The following XXYLT1 variants were observed in gnomAD, a reference collection of about 807,000 sequenced individuals.
XXYLT1 encodes the protein xyloside xylosyltransferase 1.
A neutral mutation model predicts 28.9 loss-of-function variants in XXYLT1; 20 were observed. That is an observed-to-expected ratio of 0.69 (90% confidence interval 0.49 to 1.00). XXYLT1 has a LOEUF of 1.00. Among genes scored for constraint, XXYLT1 ranks in the 50% least tolerant of loss-of-function variants. The pLI, the probability that XXYLT1 is intolerant of heterozygous loss-of-function variation, is 0.00. For synonymous variants in XXYLT1, 257 were observed against 253.8 expected (o/e 1.01, Z -0.12); for missense variants, 542 against 560.1 (o/e 0.97, Z 0.33).
chr3:195,126,736 G>A (rs1370158115), intron 3 of XXYLT1, among the ~76,000 whole-genome samples: 1 of 152,236 alleles, frequency 6.6e-6, no homozygotes, highest in Non-Finnish European at 1.5e-5. Context: ...CCCTAGAGAA[G>A]ACAAGACTGT....
chr3:195,201,129 A>G (rs1221117852), intron 2 of XXYLT1, among the ~76,000 whole-genome samples: 1 of 152,214 alleles, frequency 6.6e-6, no homozygotes, highest in Non-Finnish European at 1.5e-5. Flanking sequence ...CTGATCCATC[A>G]TCTTGTTCAG....
Position 195,270,939 on chromosome 3 carries a change from G to A in XXYLT1, c.120C>T (p.Tyr40=), listed in dbSNP as rs2108865138. The A allele has an allele frequency of 2.7e-6, 4 of 1,489,244 alleles. No individual in the cohort carries two copies. Among genetic ancestry groups the A allele is most frequent in the Non-Finnish European group, 2.7e-6 (3 of 1,121,978 alleles). 92.3% of individuals were successfully genotyped at this position (1,489,244 alleles called of 1,614,324 possible). ...AAALAVCAFY[Y]LGSGRETFSS... ...AGAAGGTCTCCCGGCCTGAGCCGAG[G>A]TAGTAGAAGGCGCAGACGGCCAGCG... is the stretch of plus-strand genomic sequence containing the variant. Residue 40 remains tyrosine (Y), a synonymous_variant, in exon 1 of 4, where the codon TAC becomes TAT. Coordinates refer to ENST00000310380, the MANE Select transcript of XXYLT1 (RefSeq NM_152531.5).
intron 3 of XXYLT1, chr3:195,094,180 G>A (rs74913521): frequency 0.015 from 2,254 of 152,724 alleles, 58 homozygotes; most frequent in African/African-American, 0.052. Flanking sequence ...GGCTGTGGAC[G>A]CACCTTGGAA....
intron 3 of XXYLT1, chr3:195,134,522 A>C (rs1719066346): frequency 6.4e-6 from 1 of 155,662 alleles, no homozygotes; most frequent in Admixed American, 6.5e-5. Flanking sequence ...TTTGTAGCCC[A>C]GGAGCACGAG....
intron 3 of XXYLT1, among the ~76,000 whole-genome samples, chr3:195,072,839 T>C (rs1184657236): frequency 6.6e-6 from 1 of 152,212 alleles, no homozygotes. Flanking sequence ...TTCTCTGGCT[T>C]CTGTGTCTGC....
intron 3 of XXYLT1, among the ~76,000 whole-genome samples, chr3:195,088,153 C>T (rs1009383690): frequency 6.9e-6 from 1 of 145,804 alleles, no homozygotes; most frequent in Non-Finnish European, 1.5e-5. Context: ...AACAAAGCAG[C>T]CGGGAAGCTC....
At chr3:195,174,831 G>A (rs1721582578) in intron 2 of XXYLT1, among the ~76,000 whole-genome samples, 1 of 151,444 alleles carries the variant, frequency 6.6e-6, no homozygotes. Context: ...TGCCTGAGCT[G>A]GTCTCGGACT....
intron 1 of XXYLT1, among the ~76,000 whole-genome samples, chr3:195,254,326 C>T (rs1232767036): frequency 1.3e-5 from 2 of 152,246 alleles, no homozygotes; most frequent in Non-Finnish European, 2.9e-5. Flanking sequence ...AGGCTCGAAG[C>T]CTGACGAGGT....
rs1577054378 is a variant in XXYLT1, at chr3:195,122,446, G to A, written c.785+34003C>T. On this transcript the variant is annotated intron_variant, in intron 3 of 3. Coordinates refer to ENST00000310380, the MANE Select transcript of XXYLT1 (RefSeq NM_152531.5). Reference sequence around the variant, plus strand: ...CTGAGTAGTAGTACAGCAGTACTGAGTAGTACTACTTGGTAGTACTGTAGT... The same window carrying A: ...CTGAGTAGTAGTACAGCAGTACTGAATAGTACTACTTGGTAGTACTGTAGT... 2.6e-5 allele frequency among the ~76,000 whole-genome samples: 4 copies of A among 152,284 alleles called. 1 individual carries two copies. The East Asian group carries it at 7.7e-4, about 29-fold the overall frequency.
chr3:195,226,872 A>G lies in XXYLT1; in HGVS notation c.505-16T>C. Reference sequence around the variant, plus strand: ...GGAAGATGACCTGCAGCAGGTGCAAAAAAAACCAAGGCTCAGCAAACCAGT... The same window carrying G: ...GGAAGATGACCTGCAGCAGGTGCAAGAAAAACCAAGGCTCAGCAAACCAGT... On this transcript the variant is annotated splice_polypyrimidine_tract_variant and intron_variant, in intron 1 of 3. Coordinates refer to ENST00000310380, the MANE Select transcript of XXYLT1 (RefSeq NM_152531.5). 6.2e-7 allele frequency: 1 copy of G among 1,612,064 alleles called. No homozygotes were observed. Among genetic ancestry groups the G allele is most frequent in the Non-Finnish European group, 8.5e-7 (1 of 1,179,252 alleles).
chr3:195,136,649 C>T (rs1352819775), intron 3 of XXYLT1, among the ~76,000 whole-genome samples: 1 of 152,036 alleles, frequency 6.6e-6, no homozygotes, highest in Non-Finnish European at 1.5e-5. Flanking sequence ...AATGTAAAAC[C>T]AATTTGCACA....
At chr3:195,070,854 AT>A (rs201427210) in intron 3 of XXYLT1, among the ~76,000 whole-genome samples, 7,868 of 152,270 alleles carry the variant, frequency 0.052, 310 homozygotes, top group East Asian at 0.19. Flanking sequence ...ATGTAGGATG[AT>A]GTCTACTTTA....
Position 195,209,582 on chromosome 3 carries a change from G to GC in XXYLT1, c.652+17126dup, listed in dbSNP as rs1273132331. On this transcript the variant is annotated intron_variant, in intron 2 of 3. Transcript: ENST00000310380. This position sits in a 1 kb window ranked among gnomAD's most constrained non-coding sequence, Gnocchi z 5.0. ...AGGCAGAGCCGGTGACAGGGCTCGG[G>GC]CGAGGCCTTCAAGCCAGAACGGAGA... The GC allele has an allele frequency of 3.3e-5, 5 of 152,576 alleles. No individual in the cohort carries two copies. Among genetic ancestry groups the GC allele is most frequent in the African/African-American group, 1.2e-4 (5 of 41,488 alleles). The allele number at this position is 152,576 out of a possible 1,614,324, so 9.5% of individuals were successfully genotyped here. A position where few individuals can be genotyped will look rare whatever the true frequency, so the allele number is the denominator to read the frequency against.
chr3:195,141,032 C>G (rs1719461159), intron 3 of XXYLT1, among the ~76,000 whole-genome samples: 1 of 152,182 alleles, frequency 6.6e-6, no homozygotes, highest in Admixed American at 6.5e-5. Flanking sequence ...TAAGAGGATA[C>G]AAGACGGCCA....
chr3:195,234,073 C>G (rs1419293774), intron 1 of XXYLT1, among the ~76,000 whole-genome samples: 2 of 150,910 alleles, frequency 1.3e-5, no homozygotes, highest in Non-Finnish European at 3.0e-5. Flanking sequence ...CCCGCCACTA[C>G]GCCCAGCTAA....
At position 195,148,760 on chromosome 3, in the gene XXYLT1, G is replaced by T. The variant is rs1720014837; in HGVS notation, c.785+7689C>A. ...TCTATTTTCTTCCCTTGTACCAACTGATTTCAGACTGAGGAACTTGAAGAC... is the reference window on the plus strand; with the variant it reads ...TCTATTTTCTTCCCTTGTACCAACTTATTTCAGACTGAGGAACTTGAAGAC... On this transcript the variant is annotated intron_variant, in intron 3 of 3. Coordinates refer to ENST00000310380, the MANE Select transcript of XXYLT1 (RefSeq NM_152531.5). Among the ~76,000 whole-genome samples, 5 of 152,142 alleles carry T rather than the reference G, an allele frequency of 3.3e-5. 1 individual carries two copies. The highest frequency in any genetic ancestry group is 3.3e-4 in the Admixed American group (5 of 15,268).
intron 2 of XXYLT1, among the ~76,000 whole-genome samples, 155 bp from the exon 3 acceptor site, chr3:195,156,736 C>T (rs546994560): frequency 1.4e-4 from 22 of 152,340 alleles, no homozygotes; most frequent in African/African-American, 5.3e-4. Context: ...AAAGGCCTTT[C>T]ATCTACCAGC....
intron 3 of XXYLT1, among the ~76,000 whole-genome samples, chr3:195,110,949 G>T (rs566082064): frequency 1.7e-4 from 26 of 151,536 alleles, no homozygotes; most frequent in African/African-American, 6.1e-4. Flanking sequence ...GTGTATGTGG[G>T]TGGGGGCAGG....
rs530693847 is a variant in XXYLT1 at position 195,206,923 on chromosome 3, C to T, written c.652+19786G>A. Among the ~76,000 whole-genome samples the T allele has an allele frequency of 5.3e-5, 8 of 152,112 alleles. No individual in the cohort carries two copies. The East Asian group carries it at 1.5e-3, about 29-fold the overall frequency. On this transcript the variant is annotated intron_variant, in intron 2 of 3. Transcript: ENST00000310380. ...TAACTACTGAAGCCGGTGATGAGTA[C>T]ACAGGCATTCATTATGCTCTCCTCT...
Sources: allele counts gnomAD v4.1 joint callset (sites outside exome capture counted in the v4.1 genomes callset), GRCh38; gene constraint gnomAD v4.1.1; non-coding constraint Gnocchi (gnomAD v3.1); transcripts MANE v1.5; gene names NCBI Gene and HGNC (gene_info 2026-07-23, HGNC 2026-07-21).